STK25: variants seen among roughly 807,000 people sequenced by gnomAD.
The protein encoded by STK25 is serine/threonine-protein kinase 25.
A neutral mutation model predicts 53.8 loss-of-function variants in STK25; 29 were observed. The ratio of observed to expected loss-of-function variants is 0.54; its 90% CI spans 0.40 to 0.74. The LOEUF is 0.74. STK25 is among the 30% of genes least tolerant of loss of function. STK25 has a pLI of 0.00. For missense variants in STK25, 420 were observed against 568.0 expected, an observed-to-expected ratio of 0.74 and a Z score of 2.65; for synonymous variants, 247 against 238.3, an observed-to-expected ratio of 1.04 and a Z score of -0.33.
chr2:241,497,508 T>C, intron 10 of STK25, 108 bp downstream of exon 10: 1 of 1,151,586 alleles, frequency 8.7e-7, no homozygotes, highest in Non-Finnish European at 1.3e-6. Context: ...GCAGGAAAGC[T>C]AGAAGCTGAA....
chr2:241,498,449 G>A (rs1200135137), intron 8 of STK25, 100 bp from the exon 9 acceptor site: 10 of 1,305,098 alleles, frequency 7.7e-6, no homozygotes, highest in Non-Finnish European at 9.4e-6. Context: ...CGAGGTACCA[G>A]ACGGGGCTCT....
chr2:241,501,066 AG>A lies in STK25; in HGVS notation c.262-271del. ...CCATCAAAAACCAGGCTGCTGATCC[AG>A]TCCTACAGGGCTGGGAAGAGGGCAT... On this transcript the variant is annotated intron_variant, in intron 3 of 11. Transcript: ENST00000316586. This position sits in a 1 kb window ranked among gnomAD's most constrained non-coding sequence, Gnocchi z 5.3. 1.7e-6 allele frequency: 1 copy of A among 574,430 alleles called. No individual in the cohort carries two copies. The highest frequency in any genetic ancestry group is 4.7e-4 in the Middle Eastern group (1 of 2,140). 35.6% of individuals were successfully genotyped at this position (574,430 alleles called of 1,614,324 possible). A position where few individuals can be genotyped will look rare whatever the true frequency, so the allele number is the denominator to read the frequency against.
At chr2:241,508,325 A>G (rs1425945188) in intron 1 of STK25, 118 bp downstream of exon 1, 12 of 1,182,460 alleles carry the variant, frequency 1.0e-5, no homozygotes, top group Non-Finnish European at 1.3e-5. Context: ...CACCTCTTCC[A>G]AGGCAGCTTC....
At position 241,498,361 on chromosome 2, in the gene STK25, G is replaced by A; in HGVS notation, c.918-12C>T. The A allele has an allele frequency of 6.4e-6, 10 of 1,568,928 alleles. No homozygotes were observed. Among genetic ancestry groups the A allele is most frequent in the Non-Finnish European group, 5.2e-6 (6 of 1,151,244 alleles). ...CCGCCTCGCCATCACTGAAGAGGAT[G>A]AGGAGTTGCCAGGGCCAGTGGGGAG... On this transcript the variant is annotated splice_polypyrimidine_tract_variant and intron_variant, in intron 8 of 11. Coordinates refer to ENST00000316586, the MANE Select transcript of STK25 (RefSeq NM_001271977.2).
intron 1 of STK25, 24 bp downstream of exon 1, chr2:241,508,419 C>T: frequency 9.2e-7 from 1 of 1,082,596 alleles, no homozygotes; most frequent in Non-Finnish European, 1.1e-6. Context: ...TCGCCGCAAG[C>T]GCCCCGCCCG....
At chr2:241,497,829 A>C in intron 9 of STK25, 142 bp from the exon 10 acceptor site, 3 of 781,610 alleles carry the variant, frequency 3.8e-6, no homozygotes, top group Non-Finnish European at 6.2e-6. Context: ...CGGCCCCAAA[A>C]CCATCAAGCC....
rs140512095 is a variant in STK25, at chr2:241,497,475, GAAAACC to G, written c.1104+135_1104+140del. ...CAGCAGATTCTGCTCCTTCCACTCAGAAAACCCAGCCCACAATCAGCTGCAGGAAAG... is the reference window on the plus strand; with the variant it reads ...CAGCAGATTCTGCTCCTTCCACTCAGCAGCCCACAATCAGCTGCAGGAAAG... On this transcript the variant is annotated intron_variant, in intron 10 of 11. Coordinates refer to ENST00000316586, the MANE Select transcript of STK25 (RefSeq NM_001271977.2). The G allele has an allele frequency of 2.6e-3, 2,183 of 850,858 alleles. 21 individuals are homozygous for G. The highest frequency in any genetic ancestry group is 0.024 in the African/African-American group (1,469 of 59,978). The allele number at this position is 850,858 out of a possible 1,614,324, so 52.7% of individuals were successfully genotyped here.
In STK25 at chr2:241,508,575, CG is replaced by C; in HGVS notation, c.-234del. On this transcript the variant is annotated 5_prime_UTR_variant, in exon 1 of 12. Coordinates refer to ENST00000316586, the MANE Select transcript of STK25 (RefSeq NM_001271977.2). ...AAGCAACGGTGGTGGCGGCAGCGAC[CG>C]GAGAAAGCCCGGAGGCGACGGCGAG... The C allele has an allele frequency of 1.0e-6, 1 of 990,816 alleles. No homozygotes were observed. The highest frequency in any genetic ancestry group is 1.7e-5 in the African/African-American group (1 of 57,350). The allele number at this position is 990,816 out of a possible 1,614,324, so 61.4% of individuals were successfully genotyped here. A position where few individuals can be genotyped will look rare whatever the true frequency, so the allele number is the denominator to read the frequency against.
At chr2:241,507,807 C>T (rs1188613836) in intron 2 of STK25, among the ~76,000 whole-genome samples, 199 bp downstream of exon 2, 2 of 152,244 alleles carry the variant, frequency 1.3e-5, no homozygotes, top group South Asian at 2.1e-4. Flanking sequence ...GCTTCTGCCA[C>T]GCAAAACGCC....
Position 241,495,677 on chromosome 2 carries a change from C to T in STK25, c.1266G>A (p.Leu422=), listed in dbSNP as rs1340867412. 2 of 1,614,250 alleles carry T rather than the reference C, an allele frequency of 1.2e-6. No homozygotes were observed. Among genetic ancestry groups the T allele is most frequent in the Non-Finnish European group, 8.5e-7 (1 of 1,180,042 alleles). The change falls in exon 12 of 12, where the codon CTG becomes CTA. Residue 422 remains leucine (L), a synonymous_variant. Coordinates refer to ENST00000316586, the MANE Select transcript of STK25 (RefSeq NM_001271977.2). Reference sequence around the variant, plus strand: ...GCAGTGCGCTTCAGCGGGTGGATGTCAGGTGGTTTCTGTTGTGTGAAAACC... The same window carrying T: ...GCAGTGCGCTTCAGCGGGTGGATGTTAGGTGGTTTCTGTTGTGTGAAAACC... The part of the protein sequence containing the change: ...VQRFSHNRNH[L]TSTR
At chr2:241,505,771 G>C (rs983951395) in intron 2 of STK25, among the ~76,000 whole-genome samples, 2 of 152,198 alleles carry the variant, frequency 1.3e-5, no homozygotes, top group African/African-American at 4.8e-5. Flanking sequence ...GCCCTACAAT[G>C]ACATCGCAGG....
Position 241,497,949 on chromosome 2 carries a change from A to G in STK25, c.1033-262T>C, listed in dbSNP as rs528799385. Among the ~76,000 whole-genome samples, 100 of 123,176 alleles carry G rather than the reference A, an allele frequency of 8.1e-4. 6 individuals are homozygous for G. Among genetic ancestry groups the G allele is most frequent in the Non-Finnish European group, 1.2e-3 (69 of 57,234 alleles). The allele number at this position is 123,176 out of a possible 152,430, so 80.8% of individuals were successfully genotyped here. A position where few individuals can be genotyped will look rare whatever the true frequency, so the allele number is the denominator to read the frequency against. On this transcript the variant is annotated intron_variant, in intron 9 of 11. Coordinates refer to ENST00000316586, the MANE Select transcript of STK25 (RefSeq NM_001271977.2). ...GGCCTGTGACTCCCACCCTCTCCTG[A>G]CTCTGAGGGCTTGTGACTCCCACCC... is the stretch of plus-strand genomic sequence containing the variant.
chr2:241,497,562 G>GTCAC (rs978313784), intron 10 of STK25, 54 bp downstream of exon 10: 5 of 1,570,918 alleles, frequency 3.2e-6, no homozygotes, highest in Non-Finnish European at 4.4e-6. Flanking sequence ...GTGCAACAGT[G>GTCAC]TCACAGCCTT....
Position 241,499,300 on chromosome 2 carries a change from C to T in STK25, c.542G>A (p.Trp181Ter). ...CTGCTTGATGACCTCAGGTGCCATC[C>T]AGAAGGGGGTGCCCACGAATGTGTT... is the stretch of plus-strand genomic sequence containing the variant. ...KRNTFVGTPF[W>*]MAPEVIKQSA... is the part of the protein sequence containing the mutation. Residue 181 changes from tryptophan to a stop codon, truncating the protein, a stop_gained, in exon 6 of 12, where the codon TGG becomes TAG. Coordinates refer to ENST00000316586, the MANE Select transcript of STK25 (RefSeq NM_001271977.2). LOFTEE classifies it high-confidence loss of function. The T allele has an allele frequency of 3.7e-6, 6 of 1,614,062 alleles. No individual in the cohort carries two copies. Among genetic ancestry groups the T allele is most frequent in the Non-Finnish European group, 5.1e-6 (6 of 1,180,008 alleles).
At chr2:241,503,981 C>G (rs991422233) in intron 2 of STK25, 7 of 468,972 alleles carry the variant, frequency 1.5e-5, no homozygotes, top group Non-Finnish European at 2.7e-5. Flanking sequence ...TGCCAATTAG[C>G]TGACCTCCCA....
rs2064980713 is a variant in STK25, at chr2:241,492,921, A to G, written c.*2741T>C. ...GTTAATGCACCTGCATTTTTCCTTT[A>G]TTGACAGAACCAGCTTTCAGGATAT... On this transcript the variant is annotated 3_prime_UTR_variant, in exon 12 of 12. Transcript: ENST00000316586. The G allele has an allele frequency of 2.5e-6, 4 of 1,573,394 alleles. No homozygotes were observed. The highest frequency in any genetic ancestry group is 3.5e-6 in the Non-Finnish European group (4 of 1,143,114).
intron 3 of STK25, 60 bp from the exon 4 acceptor site, chr2:241,500,856 T>C (rs1574949882): frequency 1.9e-6 from 3 of 1,577,198 alleles, no homozygotes; most frequent in East Asian, 2.2e-5. Flanking sequence ...TGCTCCAGGG[T>C]GGGAGTCACA....
At chr2:241,502,629 C>T (rs568141637) in intron 2 of STK25, among the ~76,000 whole-genome samples, 1 of 152,082 alleles carries the variant, frequency 6.6e-6, no homozygotes, top group African/African-American at 2.4e-5. Context: ...ATCCGAGCTA[C>T]TTGAGAGTCC....
Position 241,501,605 on chromosome 2 carries a change from ACCT to A in STK25, c.131_133del (p.Glu44del). On this transcript the variant is annotated inframe_deletion, in exon 3 of 12. Coordinates refer to ENST00000316586, the MANE Select transcript of STK25 (RefSeq NM_001271977.2). This position sits in a 1 kb window ranked among gnomAD's most constrained non-coding sequence, Gnocchi z 5.3. ...CAGGTCGATGATCTTGATGGCCACC[ACCT>A]CCTTTGTGTGGTTATCGATGCCCTT... 6.2e-7 allele frequency: 1 copy of A among 1,613,756 alleles called. No homozygotes were observed. The highest frequency in any genetic ancestry group is 8.5e-7 in the Non-Finnish European group (1 of 1,179,984).
Sources: gnomAD v4.1 joint callset for allele counts (sites outside exome capture counted in the v4.1 genomes callset) on GRCh38, gnomAD v4.1.1 for gene constraint, Gnocchi (gnomAD v3.1) non-coding constraint, MANE v1.5 for transcripts, NCBI Gene and HGNC (gene_info 2026-07-23, HGNC 2026-07-21) for gene names.